Variants in SIGLEC5 observed in about 807,000 individuals in gnomAD.
The protein encoded by SIGLEC5 is sialic acid binding Ig like lectin 5, also known as sialic acid-binding Ig-like lectin 5.
Under a neutral mutation model 45.9 loss-of-function variants are expected in SIGLEC5, and 34 were observed. The ratio of observed to expected loss-of-function variants is 0.74; its 90% confidence interval spans 0.56 to 0.99. The LOEUF is 0.99. Among genes scored for constraint, SIGLEC5 ranks in the 50% least tolerant of loss-of-function variants. SIGLEC5 has a pLI of 0.00. For synonymous variants in SIGLEC5, 203 were observed against 258.6 expected (o/e 0.79, Z 2.06); for missense variants, 508 against 629.6 (o/e 0.81, Z 2.07).
intron 8 of SIGLEC5, among the ~76,000 whole-genome samples, chr19:51,617,718 A>T (rs898686596): frequency 2.6e-5 from 4 of 152,140 alleles, no homozygotes; most frequent in African/African-American, 9.7e-5. Context: ...AAAAGAGAGA[A>T]AGAGAAAGAA....
intron 8 of SIGLEC5, chr19:51,621,101 A>T (rs1390740885): frequency 1.3e-5 from 2 of 152,236 alleles, no homozygotes; most frequent in Non-Finnish European, 1.5e-5. Flanking sequence ...GAAATCAATT[A>T]AAAATGAGTT....
Position 51,625,611 on chromosome 19 carries a change from C to T in SIGLEC5, c.1464+421G>A, listed in dbSNP as rs867418686. Among the ~76,000 whole-genome samples, 17 of 152,270 alleles carry T rather than the reference C, an allele frequency of 1.1e-4. 1 individual carries two copies. Among genetic ancestry groups the T allele is most frequent in the African/African-American group, 3.1e-4 (13 of 41,546 alleles). ...TTGGGAGGCCGAGGCGGGCGGATCA[C>T]CTGAGGTCAGGAGTTCAAGAACTGC... On this transcript the variant is annotated intron_variant, in intron 8 of 8. Transcript: ENST00000683636.
At chr19:51,617,757 T>C (rs1324406475) in intron 8 of SIGLEC5, among the ~76,000 whole-genome samples, 2 of 151,976 alleles carry the variant, frequency 1.3e-5, no homozygotes, top group Non-Finnish European at 2.9e-5. Context: ...AAGTATGGAA[T>C]AGAAAGGTGA....
chr19:51,617,269 A>G (rs11880807), intron 8 of SIGLEC5, among the ~76,000 whole-genome samples: 59,542 of 149,870 alleles, frequency 0.4, 12,200 homozygotes, highest in East Asian at 0.55. Context: ...AAAAAAAAAA[A>G]GTAGAAAAGG....
intron 8 of SIGLEC5, among the ~76,000 whole-genome samples, chr19:51,612,895 CTT>C (rs1473571593): frequency 3.3e-5 from 5 of 150,726 alleles, no homozygotes; most frequent in Admixed American, 1.3e-4. Flanking sequence ...CTCTCTCTCT[CTT>C]GCCCCCTACC....
chr19:51,626,254 G>A (rs372837439), intron 7 of SIGLEC5, 141 bp from the exon 8 acceptor site: 14 of 654,730 alleles, frequency 2.1e-5, no homozygotes, highest in South Asian at 1.2e-4. Context: ...TCCTGACTTC[G>A]GAGTGAGGGC....
chr19:51,617,890 G>C (rs546365043), intron 8 of SIGLEC5, among the ~76,000 whole-genome samples: 10 of 152,062 alleles, frequency 6.6e-5, no homozygotes, highest in African/African-American at 2.4e-4. Context: ...TATCAACATT[G>C]TAAAGAGTTG....
At chr19:51,620,071 A>G (rs1323578071) in intron 8 of SIGLEC5, among the ~76,000 whole-genome samples, 1 of 151,224 alleles carries the variant, frequency 6.6e-6, no homozygotes, top group Non-Finnish European at 1.5e-5. Flanking sequence ...ATATATATAT[A>G]TATAACTTAG....
intron 8 of SIGLEC5, among the ~76,000 whole-genome samples, chr19:51,613,207 G>A (rs764254778): frequency 3.3e-5 from 5 of 152,136 alleles, no homozygotes; most frequent in Non-Finnish European, 7.4e-5. Context: ...GGGGTCACAG[G>A]CTGGGCACTC....
At chr19:51,623,280 A>G (rs1025023044) in intron 8 of SIGLEC5, among the ~76,000 whole-genome samples, 1 of 152,206 alleles carries the variant, frequency 6.6e-6, no homozygotes, top group African/African-American at 2.4e-5. Flanking sequence ...TCCAAAAGGT[A>G]CTCAATAGAA....
chr19:51,612,166 T>C lies in SIGLEC5; in HGVS notation c.*65A>G. On this transcript the variant is annotated 3_prime_UTR_variant, in exon 9 of 9. Coordinates refer to ENST00000683636, the MANE Select transcript of SIGLEC5 (RefSeq NM_003830.4). ...TCTTCGTGCTTCAGCAAGTGGTCCC[T>C]GACTTGTCCTTTCCCCCAGACAGGC... The C allele has an allele frequency of 7.2e-7, 1 of 1,381,622 alleles. No individual in the cohort carries two copies. 85.6% of individuals were successfully genotyped at this position (1,381,622 alleles called of 1,614,324 possible).
chr19:51,628,897 C>T, intron 4 of SIGLEC5, 141 bp downstream of exon 4: 1 of 811,800 alleles, frequency 1.2e-6, no homozygotes. Flanking sequence ...ACATGGGGCT[C>T]ACAGAAGGTG....
rs927561362 is a variant in SIGLEC5, at chr19:51,612,496, A to G, written c.1465-74T>C. ...TGTAGAATAATGAGTTCTTATATTT[A>G]TATGTTGCCTTGGGATTTATTTTGA... On this transcript the variant is annotated intron_variant, in intron 8 of 8. Coordinates refer to ENST00000683636, the MANE Select transcript of SIGLEC5 (RefSeq NM_003830.4). 12 of 1,077,940 alleles carry G rather than the reference A, an allele frequency of 1.1e-5. No homozygotes were observed. In the African/African-American group the frequency reaches 1.9e-4, roughly 17 times the overall value. The allele number at this position is 1,077,940 out of a possible 1,614,324, so 66.8% of individuals were successfully genotyped here. A position where few individuals can be genotyped will look rare whatever the true frequency, so the allele number is the denominator to read the frequency against.
chr19:51,625,709 A>G (rs1429355742), intron 8 of SIGLEC5, among the ~76,000 whole-genome samples: 1 of 152,194 alleles, frequency 6.6e-6, no homozygotes, highest in East Asian at 1.9e-4. Flanking sequence ...GTGCGCCTGT[A>G]ATCCCAGCTA....
chr19:51,619,289 C>T (rs1486087819), intron 8 of SIGLEC5, among the ~76,000 whole-genome samples: 6 of 152,104 alleles, frequency 3.9e-5, no homozygotes, highest in Non-Finnish European at 8.8e-5. Context: ...ACCATATTGG[C>T]CAGGCTGGTC....
At chr19:51,615,036 A>G (rs1476213420) in intron 8 of SIGLEC5, among the ~76,000 whole-genome samples, 1 of 152,226 alleles carries the variant, frequency 6.6e-6, no homozygotes, top group Non-Finnish European at 1.5e-5. Flanking sequence ...TAGAACCTGA[A>G]TGCAGGACGT....
chr19:51,618,997 C>T (rs1426534855), intron 8 of SIGLEC5, among the ~76,000 whole-genome samples: 2 of 152,180 alleles, frequency 1.3e-5, no homozygotes, highest in Admixed American at 6.5e-5. Flanking sequence ...GATTTCAACA[C>T]ACCTCTCTCA....
rs1600105763 is a variant in SIGLEC5, at chr19:51,629,192, C to T, written c.701-116G>A. 14 of 1,523,444 alleles carry T rather than the reference C, an allele frequency of 9.2e-6. No individual in the cohort carries two copies. The East Asian group carries it at 2.9e-4, about 32-fold the overall frequency. The allele number at this position is 1,523,444 out of a possible 1,614,324, so 94.4% of individuals were successfully genotyped here. A position where few individuals can be genotyped will look rare whatever the true frequency, so the allele number is the denominator to read the frequency against. On this transcript the variant is annotated intron_variant, in intron 3 of 8. Transcript: ENST00000683636. ...CACCAAGCGGGGAAGGCTGTCCTGT[C>T]TCACTCCCCGCAGATCCCAAGGCTT...
intron 4 of SIGLEC5, 47 bp downstream of exon 4, chr19:51,628,991 A>G: frequency 7.7e-6 from 12 of 1,567,564 alleles, no homozygotes; most frequent in Non-Finnish European, 1.1e-5. Context: ...CTGCTCAGAG[A>G]CAGACCCAGA....
Sources: gnomAD v4.1 joint callset for allele counts (sites outside exome capture counted in the v4.1 genomes callset) on GRCh38, gnomAD v4.1.1 for gene constraint, MANE v1.5 for transcripts, NCBI Gene and HGNC (gene_info 2026-07-23, HGNC 2026-07-21) for gene names.